The following ZDHHC24 variants were observed in gnomAD, a reference collection of about 807,000 sequenced individuals.
ZDHHC24 encodes the protein zDHHC palmitoyltransferase 24, also known as probable palmitoyltransferase ZDHHC24.
ZDHHC24 carries 17 observed loss-of-function variants against 23.2 expected under a neutral mutation model. That is an observed-to-expected ratio of 0.73 (90% confidence interval 0.50 to 1.10). The LOEUF is 1.10. ZDHHC24 is among the 50% of genes least tolerant of loss of function. ZDHHC24 has a pLI of 0.00. For missense variants in ZDHHC24, 366 were observed against 393.0 expected, an observed-to-expected ratio of 0.93 and a Z score of 0.58; for synonymous variants, 186 against 194.5, an observed-to-expected ratio of 0.96 and a Z score of 0.36.
At chr11:66,541,119 G>C (rs1235114211) in intron 2 of ZDHHC24, among the ~76,000 whole-genome samples, 1 of 151,978 alleles carries the variant, frequency 6.6e-6, no homozygotes, top group Non-Finnish European at 1.5e-5. Context: ...TAGTTAAAAT[G>C]GGCCGGGTGT....
At chr11:66,530,380 C>T (rs1225877766) in intron 2 of ZDHHC24, among the ~76,000 whole-genome samples, 1 of 152,128 alleles carries the variant, frequency 6.6e-6, no homozygotes, top group Non-Finnish European at 1.5e-5. Context: ...CCGAGACCAG[C>T]ACGGGCAAAA....
exon 4 of ZDHHC24, chr11:66,526,986 T>C (rs1364420214): frequency 1.9e-6 from 3 of 1,541,652 alleles, no homozygotes; most frequent in Non-Finnish European, 2.6e-6. Flanking sequence ...TGCAAATCAC[T>C]GTTCCTCAGG....
intron 2 of ZDHHC24, among the ~76,000 whole-genome samples, chr11:66,540,342 G>A (rs930709341): frequency 5.5e-5 from 8 of 145,884 alleles, no homozygotes; most frequent in Admixed American, 4.2e-4. Context: ...CAGGAGAATC[G>A]CTTTAACCTG....
chr11:66,521,156 G>A, exon 5 of ZDHHC24: 1 of 805,352 alleles, frequency 1.2e-6, no homozygotes, highest in Non-Finnish European at 2.2e-6. Flanking sequence ...TAAACTGGGT[G>A]TAAGTGAGGA....
At chr11:66,541,539 G>A (rs755692204) in intron 2 of ZDHHC24, among the ~76,000 whole-genome samples, 1 of 152,166 alleles carries the variant, frequency 6.6e-6, no homozygotes, top group Non-Finnish European at 1.5e-5. Flanking sequence ...CTGCGAGTAG[G>A]GGGTGCAAGG....
chr11:66,526,528 G>T, intron 4 of ZDHHC24: 1 of 1,252,984 alleles, frequency 8.0e-7, no homozygotes, highest in African/African-American at 1.5e-5. Context: ...AAACAGTCTC[G>T]TCTGGAAGAC....
chr11:66,533,020 T>G (rs1279477701), downstream of ZDHHC24: 3 of 152,240 alleles, frequency 2.0e-5, no homozygotes, highest in African/African-American at 7.2e-5. Flanking sequence ...GGGCCTTTCT[T>G]GTCATAGCTA....
At chr11:66,523,484 G>A (rs770668729) in intron 4 of ZDHHC24, 9 of 1,613,892 alleles carry the variant, frequency 5.6e-6, no homozygotes, top group Admixed American at 5.0e-5. Flanking sequence ...GTACTGCATC[G>A]AGCTGAGCGC....
rs1279192439 is a variant in ZDHHC24, at chr11:66,537,019, GC to G, written c.*2509del. ...CCTGTCATTAAAAAATAGCAACAGA[GC>G]ATGCCTGTTACAAAAACAACCAGCC... On this transcript the variant is annotated 3_prime_UTR_variant, in exon 3 of 3. Coordinates refer to ENST00000310442, the MANE Select transcript of ZDHHC24 (RefSeq NM_207340.3). 1 of 151,954 alleles carries G rather than the reference GC, an allele frequency of 6.6e-6. No homozygotes were observed. The highest frequency in any genetic ancestry group is 1.5e-5 in the Non-Finnish European group (1 of 67,986). The allele number at this position is 151,954 out of a possible 1,614,324, so 9.4% of individuals were successfully genotyped here.
chr11:66,529,729 C>A, intron 2 of ZDHHC24: 1 of 1,531,844 alleles, frequency 6.5e-7, no homozygotes, highest in East Asian at 2.2e-5. Context: ...TGCACCCTCC[C>A]CACACCAACC....
At chr11:66,523,404 A>G (rs1454236553) in intron 4 of ZDHHC24, 1 of 1,613,960 alleles carries the variant, frequency 6.2e-7, no homozygotes, top group East Asian at 2.2e-5. Context: ...GGTCAGCCAT[A>G]GAAGTGGAGA....
chr11:66,532,106 G>A (rs1856811632), downstream of ZDHHC24: 4 of 1,480,402 alleles, frequency 2.7e-6, no homozygotes, highest in Admixed American at 7.9e-5. Flanking sequence ...GTGGCCCCAG[G>A]CCCACTCCTC....
intron 4 of ZDHHC24, chr11:66,526,886 C>A: frequency 1.2e-6 from 2 of 1,612,642 alleles, no homozygotes; most frequent in South Asian, 1.1e-5. Context: ...TGCTGCCCAG[C>A]CTCCCTGTGC....
chr11:66,534,961 C>T (rs1226643381), downstream of ZDHHC24, among the ~76,000 whole-genome samples: 2 of 152,108 alleles, frequency 1.3e-5, no homozygotes, highest in Admixed American at 6.6e-5. Flanking sequence ...GGCGTGATCT[C>T]GGCTCACTGC....
chr11:66,531,013 C>T, downstream of ZDHHC24: 1 of 1,614,234 alleles, frequency 6.2e-7, no homozygotes, highest in South Asian at 1.1e-5. Flanking sequence ...ATTCCCTGCC[C>T]CGGGCCTTCT....
chr11:66,531,642 G>A (rs1211267389), downstream of ZDHHC24: 2 of 1,613,934 alleles, frequency 1.2e-6, no homozygotes, highest in Non-Finnish European at 8.5e-7. Context: ...TTACTTCTTT[G>A]TCCCCAAACT....
chr11:66,543,324 G>C (rs971819448), intron 2 of ZDHHC24, among the ~76,000 whole-genome samples: 5 of 151,990 alleles, frequency 3.3e-5, no homozygotes, highest in Non-Finnish European at 7.4e-5. Flanking sequence ...CACCAGCCAG[G>C]CCTCCCCTAC....
intron 2 of ZDHHC24, chr11:66,542,955 C>G (rs1451116636): frequency 6.6e-6 from 1 of 152,392 alleles, no homozygotes; most frequent in Non-Finnish European, 1.5e-5. Context: ...CAGAGCTGGG[C>G]TTGGATAGGA....
intron 2 of ZDHHC24, among the ~76,000 whole-genome samples, chr11:66,541,533 G>A (rs925475841): frequency 1.3e-5 from 2 of 152,194 alleles, no homozygotes; most frequent in South Asian, 2.1e-4. Context: ...ACAGTTCTGC[G>A]AGTAGGGGGT....
Sources: allele counts gnomAD v4.1 joint callset (sites outside exome capture counted in the v4.1 genomes callset), GRCh38; gene constraint gnomAD v4.1.1; transcripts MANE v1.5; gene names NCBI Gene and HGNC (gene_info 2026-07-23, HGNC 2026-07-21).